The following FOXP2 variants were observed in gnomAD, a reference collection of about 807,000 sequenced individuals.
FOXP2 encodes forkhead box P2, also known as forkhead box protein P2.
Under a neutral mutation model 115.8 loss-of-function variants are expected in FOXP2, and 12 were observed. The observed-to-expected ratio is 0.10, with a 90% CI of 0.07 to 0.17. FOXP2 has a LOEUF of 0.17. Ranked by LOEUF, FOXP2 falls within the 10% of genes least tolerant of loss-of-function variation. FOXP2 has a pLI of 1.00. For missense variants in FOXP2, 629 were observed against 843.5 expected (o/e 0.75, Z 3.15); for synonymous variants, 328 against 297.7 (o/e 1.10, Z -1.05).
chr7:114,574,024 C>T (rs1378675982), intron 3 of FOXP2, among the ~76,000 whole-genome samples: 1 of 151,638 alleles, frequency 6.6e-6, no homozygotes, highest in Non-Finnish European at 1.5e-5. Flanking sequence ...CAAACATTGG[C>T]CATCCCCTGA....
intron 3 of FOXP2, among the ~76,000 whole-genome samples, chr7:114,583,351 C>T (rs1801965394): frequency 6.6e-6 from 1 of 152,014 alleles, no homozygotes; most frequent in South Asian, 2.1e-4. Flanking sequence ...GCACTCCAGC[C>T]TGGGCAACAG....
At chr7:114,542,407 A>G (rs1799710849) in intron 3 of FOXP2, among the ~76,000 whole-genome samples, 1 of 152,130 alleles carries the variant, frequency 6.6e-6, no homozygotes, top group African/African-American at 2.4e-5. Context: ...AGTTTGTGCT[A>G]TTTAAGTTGG....
intron 16 of FOXP2, among the ~76,000 whole-genome samples, chr7:114,676,737 A>T (rs1807788384): frequency 6.6e-6 from 1 of 152,188 alleles, no homozygotes; most frequent in African/African-American, 2.4e-5. Flanking sequence ...TATTTTCTCA[A>T]ATAACTAGAA....
chr7:114,147,501 A>G (rs1284415809), intron 1 of FOXP2, among the ~76,000 whole-genome samples: 2 of 152,144 alleles, frequency 1.3e-5, no homozygotes, highest in African/African-American at 4.8e-5. Context: ...TCACCCCCAG[A>G]GAAGCAAGCT....
At chr7:114,236,837 C>T (rs13221482) in intron 1 of FOXP2, among the ~76,000 whole-genome samples, 43 of 152,012 alleles carry the variant, frequency 2.8e-4, no homozygotes, top group Non-Finnish European at 5.6e-4. Context: ...ACTAGCTGGG[C>T]GTGGTGGTGG....
intron 2 of FOXP2, among the ~76,000 whole-genome samples, chr7:114,431,888 A>T (rs890476803): frequency 6.6e-6 from 1 of 151,956 alleles, no homozygotes; most frequent in African/African-American, 2.4e-5. Flanking sequence ...ATACAGTTCA[A>T]TATCAGTATA....
intron 3 of FOXP2, among the ~76,000 whole-genome samples, chr7:114,556,378 T>G (rs1462144077): frequency 2.6e-5 from 4 of 152,112 alleles, no homozygotes; most frequent in African/African-American, 9.7e-5. Context: ...ATCCAAGGGC[T>G]GCTGCTGCTT....
At chr7:114,654,324 C>T (rs1806453985) in intron 10 of FOXP2, among the ~76,000 whole-genome samples, 2 of 152,104 alleles carry the variant, frequency 1.3e-5, no homozygotes, top group South Asian at 4.1e-4. Flanking sequence ...AGGAAACCCT[C>T]TTTGAGCAAC....
intron 3 of FOXP2, among the ~76,000 whole-genome samples, chr7:114,555,573 G>A (rs1057402472): frequency 6.6e-6 from 1 of 152,112 alleles, no homozygotes; most frequent in Non-Finnish European, 1.5e-5. Flanking sequence ...GAGGCGGGCA[G>A]ATCACCTGAG....
At chr7:114,605,202 C>T (rs546361439) in intron 3 of FOXP2, among the ~76,000 whole-genome samples, 8 of 152,232 alleles carry the variant, frequency 5.3e-5, no homozygotes, top group African/African-American at 1.9e-4. Context: ...CTTGCCATTA[C>T]ATCTTCACAG....
In FOXP2 at chr7:114,664,589, T is replaced by C. The variant is rs946606888; in HGVS notation, c.2003+153T>C. 13 of 895,940 alleles carry C rather than the reference T, an allele frequency of 1.5e-5. No individual in the cohort carries two copies. The Admixed American group carries it at 2.6e-4, about 18-fold the overall frequency. The allele number at this position is 895,940 out of a possible 1,614,324, so 55.5% of individuals were successfully genotyped here. On this transcript the variant is annotated intron_variant, in intron 16 of 16. Coordinates refer to ENST00000350908, the MANE Select transcript of FOXP2 (RefSeq NM_014491.4). ...ACCACGTTCATAATATGACAAAGTT[T>C]ATCAAAATCGGTTTTAATACATTTT... is the stretch of plus-strand genomic sequence containing the variant.
At chr7:114,320,596 G>A (rs1486791721) in intron 2 of FOXP2, among the ~76,000 whole-genome samples, 1 of 152,152 alleles carries the variant, frequency 6.6e-6, no homozygotes, top group Non-Finnish European at 1.5e-5. Flanking sequence ...GTGGCAGATA[G>A]GACTTATGTA....
intron 3 of FOXP2, among the ~76,000 whole-genome samples, chr7:114,574,589 C>T (rs1016501156): frequency 1.3e-5 from 2 of 151,770 alleles, no homozygotes; most frequent in Non-Finnish European, 3.0e-5. Context: ...CAAGTTCATT[C>T]ACTACTCTCT....
intron 2 of FOXP2, among the ~76,000 whole-genome samples, chr7:114,523,513 G>T (rs1798720680): frequency 6.6e-6 from 1 of 152,104 alleles, no homozygotes; most frequent in South Asian, 2.1e-4. Context: ...TTGGTACCAT[G>T]CAGGGTCATA....
intron 1 of FOXP2, among the ~76,000 whole-genome samples, chr7:114,267,772 TAAATAAATA>T (rs1795930073): frequency 7.0e-6 from 1 of 142,982 alleles, no homozygotes; most frequent in African/African-American, 2.7e-5. Context: ...AATAAATAAA[TAAATAAATA>T]AAATAAATAT....
intron 3 of FOXP2, among the ~76,000 whole-genome samples, chr7:114,540,309 G>T (rs984548475): frequency 3.3e-5 from 5 of 151,980 alleles, no homozygotes. Flanking sequence ...AACTGTAAGC[G>T]ATATGACAGC....
chr7:114,344,137 A>G (rs1281871911), intron 2 of FOXP2, among the ~76,000 whole-genome samples: 1 of 151,660 alleles, frequency 6.6e-6, no homozygotes, highest in Non-Finnish European at 1.5e-5. Flanking sequence ...TTGTTATAGT[A>G]CCTATATAAA....
chr7:114,263,850 A>C (rs1440802640), intron 1 of FOXP2, among the ~76,000 whole-genome samples: 1 of 151,818 alleles, frequency 6.6e-6, no homozygotes, highest in Non-Finnish European at 1.5e-5. Context: ...TCTAGTTTGC[A>C]TTCCCATGCT....
At chr7:114,351,429 C>T (rs948681132) in intron 2 of FOXP2, among the ~76,000 whole-genome samples, 4 of 151,994 alleles carry the variant, frequency 2.6e-5, no homozygotes, top group Admixed American at 6.6e-5. Context: ...ATATAATATT[C>T]TTTGAATGTG....
Sources: allele counts gnomAD v4.1 joint callset (sites outside exome capture counted in the v4.1 genomes callset), GRCh38; gene constraint gnomAD v4.1.1; transcripts MANE v1.5; gene names NCBI Gene and HGNC (gene_info 2026-07-23, HGNC 2026-07-21).